HS6ST3: variants seen among roughly 807,000 people sequenced by gnomAD.
HS6ST3 encodes the protein heparan sulfate 6-O-sulfotransferase 3, also known as heparan-sulfate 6-O-sulfotransferase 3.
A neutral mutation model predicts 36.7 loss-of-function variants in HS6ST3; 12 were observed. That is an observed-to-expected ratio of 0.33 (90% CI 0.21 to 0.53). HS6ST3 has a LOEUF of 0.53. Among genes scored for constraint, HS6ST3 ranks in the 20% least tolerant of loss-of-function variants. The probability of loss-of-function intolerance (pLI) is 0.95; values close to 1 mark genes in which losing one functional copy is unlikely to be tolerated. For missense variants in HS6ST3, 584 were observed against 640.9 expected, an observed-to-expected ratio of 0.91 and a Z score of 0.96; for synonymous variants, 240 against 257.5, an observed-to-expected ratio of 0.93 and a Z score of 0.65.
At chr13:96,491,771 C>T (rs1383801531) in intron 1 of HS6ST3, among the ~76,000 whole-genome samples, 2 of 152,148 alleles carry the variant, frequency 1.3e-5, no homozygotes, top group Non-Finnish European at 2.9e-5. Flanking sequence ...CTTCATGTAG[C>T]CTAAGTCATG....
chr13:96,200,294 C>T (rs1009340439), intron 1 of HS6ST3, among the ~76,000 whole-genome samples: 1 of 152,122 alleles, frequency 6.6e-6, no homozygotes, highest in Admixed American at 6.6e-5. Flanking sequence ...GATTCAACTC[C>T]CTTATTTTTT....
chr13:96,407,792 T>G (rs745805335), intron 1 of HS6ST3, among the ~76,000 whole-genome samples: 1 of 152,100 alleles, frequency 6.6e-6, no homozygotes, highest in African/African-American at 2.4e-5. Flanking sequence ...AGGGAAATGC[T>G]AAAAGAAAAG....
intron 1 of HS6ST3, among the ~76,000 whole-genome samples, chr13:96,246,452 G>C (rs1646660230): frequency 6.6e-6 from 1 of 152,214 alleles, no homozygotes; most frequent in South Asian, 2.1e-4. Context: ...TGGTTAGGCA[G>C]CTACCTTTTC....
At chr13:96,443,271 C>T (rs2055682120) in intron 1 of HS6ST3, among the ~76,000 whole-genome samples, 1 of 151,982 alleles carries the variant, frequency 6.6e-6, no homozygotes, top group South Asian at 2.1e-4. Context: ...TGGCTCACGC[C>T]TGTAATCCCA....
intron 1 of HS6ST3, among the ~76,000 whole-genome samples, chr13:96,112,288 A>G (rs2053872010): frequency 6.6e-6 from 1 of 152,150 alleles, no homozygotes; most frequent in Non-Finnish European, 1.5e-5. Context: ...CCTGCATCCC[A>G]GATGAATTTA....
intron 1 of HS6ST3, among the ~76,000 whole-genome samples, chr13:96,128,018 ATTGGAATGGGGC>A (rs1302319838): frequency 6.6e-6 from 1 of 152,158 alleles, no homozygotes; most frequent in African/African-American, 2.4e-5. Context: ...AGTCAGTGTG[ATTGGAATGGGGC>A]TTGGGAATCT....
At chr13:96,113,898 G>A (rs1278513818) in intron 1 of HS6ST3, among the ~76,000 whole-genome samples, 1 of 152,066 alleles carries the variant, frequency 6.6e-6, no homozygotes, top group African/African-American at 2.4e-5. Context: ...GATAGTAGGG[G>A]AATGGTTAAA....
chr13:96,529,014 C>T (rs1471951352), intron 1 of HS6ST3, among the ~76,000 whole-genome samples: 3 of 151,818 alleles, frequency 2.0e-5, no homozygotes, highest in Admixed American at 2.0e-4. Flanking sequence ...TTTACTATTG[C>T]CATTTATAAA....
intron 1 of HS6ST3, among the ~76,000 whole-genome samples, chr13:96,118,471 T>A (rs1335757827): frequency 6.6e-6 from 1 of 151,756 alleles, no homozygotes; most frequent in East Asian, 1.9e-4. Flanking sequence ...TAGTGCTTTG[T>A]AATGGCAACC....
At chr13:96,510,206 G>T (rs1215385483) in intron 1 of HS6ST3, among the ~76,000 whole-genome samples, 1 of 151,848 alleles carries the variant, frequency 6.6e-6, no homozygotes, top group Non-Finnish European at 1.5e-5. Flanking sequence ...TTGATGTATA[G>T]CAGTGCTACT....
At chr13:96,392,006 A>G (rs1203132172) in intron 1 of HS6ST3, among the ~76,000 whole-genome samples, 1 of 152,240 alleles carries the variant, frequency 6.6e-6, no homozygotes, top group Non-Finnish European at 1.5e-5. Context: ...TAGATACATT[A>G]TTACAATGCA....
chr13:96,590,823 A>G (rs563654486), intron 1 of HS6ST3, among the ~76,000 whole-genome samples: 1 of 152,156 alleles, frequency 6.6e-6, no homozygotes, highest in African/African-American at 2.4e-5. Context: ...CATAGTTTGA[A>G]GTCTCATATT....
At chr13:96,229,340 A>C (rs1186652329) in intron 1 of HS6ST3, among the ~76,000 whole-genome samples, 1 of 152,194 alleles carries the variant, frequency 6.6e-6, no homozygotes, top group Non-Finnish European at 1.5e-5. Context: ...TAGTCAGGTC[A>C]GGCTGCTATA....
chr13:96,110,400 T>C (rs1346581280), intron 1 of HS6ST3, among the ~76,000 whole-genome samples: 5 of 145,238 alleles, frequency 3.4e-5, no homozygotes, highest in Non-Finnish European at 6.1e-5. Context: ...ACCTTGAACA[T>C]AGGGGATCAC....
chr13:96,809,697 T>G (rs1007155469), intron 1 of HS6ST3, among the ~76,000 whole-genome samples: 1 of 152,226 alleles, frequency 6.6e-6, no homozygotes, highest in Non-Finnish European at 1.5e-5. Flanking sequence ...TTTATCTTGG[T>G]ACCCCAGGCG....
intron 1 of HS6ST3, among the ~76,000 whole-genome samples, chr13:96,595,341 C>A (rs1266954193): frequency 6.6e-6 from 1 of 152,150 alleles, no homozygotes; most frequent in South Asian, 2.1e-4. Context: ...TTGAATTTAT[C>A]ATCCCATTTC....
rs142888196 is a variant in HS6ST3, at chr13:96,611,046, G to C, written c.708-221444G>C. Reference sequence around the variant, plus strand: ...AGAGACATATCAATTCTCCTTTTCAGTGTTACCTTTCTTTTCATTTCTTTC... The same window carrying C: ...AGAGACATATCAATTCTCCTTTTCACTGTTACCTTTCTTTTCATTTCTTTC... On this transcript the variant is annotated intron_variant, in intron 1 of 1. Transcript: ENST00000376705. Among the ~76,000 whole-genome samples, 1,207 of 151,056 alleles carry C rather than the reference G, an allele frequency of 8.0e-3. 17 individuals carry two copies. The highest frequency in any genetic ancestry group is 0.027 in the African/African-American group (1,106 of 41,346).
At chr13:96,574,411 G>C (rs1421722916) in intron 1 of HS6ST3, 3 of 519,576 alleles carry the variant, frequency 5.8e-6, no homozygotes, top group Non-Finnish European at 1.0e-5. Flanking sequence ...AAAGTGAGAA[G>C]GTGACAATCA....
At chr13:96,548,249 T>A (rs2056204980) in intron 1 of HS6ST3, among the ~76,000 whole-genome samples, 1 of 152,048 alleles carries the variant, frequency 6.6e-6, no homozygotes, top group Non-Finnish European at 1.5e-5. Flanking sequence ...TCTTCCTCCT[T>A]CAGTAGGTTA....
Sources: gnomAD v4.1 joint callset for allele counts (sites outside exome capture counted in the v4.1 genomes callset) on GRCh38, gnomAD v4.1.1 for gene constraint, MANE v1.5 for transcripts, NCBI Gene and HGNC (gene_info 2026-07-23, HGNC 2026-07-21) for gene names.